The following GALNT17 variants were observed in gnomAD, a reference collection of about 807,000 sequenced individuals.
The protein encoded by GALNT17 is UDP-GalNAc:polypeptide N-acetylgalactosaminyltransferase-like 3.
A neutral mutation model predicts 63.7 loss-of-function variants in GALNT17; 29 were observed. That is an observed-to-expected ratio of 0.46 (90% CI 0.34 to 0.62). GALNT17 has a LOEUF of 0.62. Among genes scored for constraint, GALNT17 ranks in the 20% least tolerant of loss-of-function variants. GALNT17 has a pLI of 0.01. For missense variants in GALNT17, 603 were observed against 799.6 expected, an observed-to-expected ratio of 0.75 and a Z score of 2.97; for synonymous variants, 305 against 318.3, an observed-to-expected ratio of 0.96 and a Z score of 0.45.
intron 1 of GALNT17, among the ~76,000 whole-genome samples, chr7:71,200,265 G>A (rs942419494): frequency 3.9e-5 from 6 of 152,128 alleles, no homozygotes; most frequent in African/African-American, 7.2e-5. Flanking sequence ...CCGTGGCTTC[G>A]TGCAAGATGT....
chr7:71,596,163 C>T (rs893907222), intron 6 of GALNT17, among the ~76,000 whole-genome samples: 2 of 152,104 alleles, frequency 1.3e-5, no homozygotes, highest in Non-Finnish European at 1.5e-5. Flanking sequence ...CTCAGCCTCC[C>T]AAGTAGCTGG....
chr7:71,437,315 C>CT (rs1786983800), intron 5 of GALNT17, among the ~76,000 whole-genome samples: 2 of 152,164 alleles, frequency 1.3e-5, no homozygotes, highest in African/African-American at 2.4e-5. Flanking sequence ...CCAAGATTTG[C>CT]TTTTTTCTAT....
intron 5 of GALNT17, among the ~76,000 whole-genome samples, chr7:71,476,970 G>A (rs1436052222): frequency 6.6e-6 from 1 of 152,320 alleles, no homozygotes; most frequent in South Asian, 2.1e-4. Context: ...GGAGGGTGTG[G>A]AGGGTGGATC....
intron 6 of GALNT17, among the ~76,000 whole-genome samples, chr7:71,592,608 T>TAAAC (rs1285616594): frequency 3.5e-4 from 20 of 56,940 alleles, no homozygotes; most frequent in African/African-American, 9.9e-4. Flanking sequence ...ATAAAATAAA[T>TAAAC]AAAGCATGCA....
At chr7:71,620,994 G>A (rs1467333) in intron 6 of GALNT17, among the ~76,000 whole-genome samples, 134,678 of 152,260 alleles carry the variant, frequency 0.88, 61,862 homozygotes, top group Non-Finnish European at 1. Context: ...GGATTTAGTA[G>A]ATAGCCCAAG....
At chr7:71,333,366 T>G (rs1044936053) in intron 1 of GALNT17, among the ~76,000 whole-genome samples, 1 of 152,200 alleles carries the variant, frequency 6.6e-6, no homozygotes, top group Admixed American at 6.5e-5. Flanking sequence ...TCCATTGGTC[T>G]GGAGATACTA....
At chr7:71,362,092 G>C (rs981212372) in intron 2 of GALNT17, among the ~76,000 whole-genome samples, 3 of 152,114 alleles carry the variant, frequency 2.0e-5, no homozygotes, top group African/African-American at 7.2e-5. Context: ...GAGTGGCTAG[G>C]ATTACAGGCG....
chr7:71,525,805 T>A (rs1788615785), intron 5 of GALNT17, among the ~76,000 whole-genome samples: 1 of 147,776 alleles, frequency 6.8e-6, no homozygotes, highest in Admixed American at 7.0e-5. Context: ...AGTGGCATGA[T>A]CTTGGCTCAC....
At chr7:71,660,479 CT>C (rs1294563003) in intron 6 of GALNT17, among the ~76,000 whole-genome samples, 1 of 152,240 alleles carries the variant, frequency 6.6e-6, no homozygotes, top group Non-Finnish European at 1.5e-5. Context: ...CTCTTCATTT[CT>C]TCAGCCTGCC....
At chr7:71,240,236 A>T (rs1157622818) in intron 1 of GALNT17, among the ~76,000 whole-genome samples, 1 of 152,210 alleles carries the variant, frequency 6.6e-6, no homozygotes, top group African/African-American at 2.4e-5. Flanking sequence ...TTTAGATGAG[A>T]TATAATCTCA....
chr7:71,467,252 C>T (rs1478943203), intron 5 of GALNT17, among the ~76,000 whole-genome samples: 2 of 152,156 alleles, frequency 1.3e-5, no homozygotes, highest in African/African-American at 4.8e-5. Context: ...AAAGGAGGAA[C>T]CTAGGGACAG....
At chr7:71,562,190 CCTG>C (rs1789268048) in intron 5 of GALNT17, among the ~76,000 whole-genome samples, 1 of 152,052 alleles carries the variant, frequency 6.6e-6, no homozygotes, top group South Asian at 2.1e-4. Context: ...TTCTCAAACT[CCTG>C]GACTCAAGCA....
chr7:71,332,753 G>C (rs529865065), intron 1 of GALNT17, among the ~76,000 whole-genome samples: 1 of 152,004 alleles, frequency 6.6e-6, no homozygotes, highest in Non-Finnish European at 1.5e-5. Flanking sequence ...GTGCAGTGGC[G>C]CAGTCTTGGC....
intron 4 of GALNT17, among the ~76,000 whole-genome samples, chr7:71,419,521 G>A (rs1052478967): frequency 1.3e-5 from 2 of 152,228 alleles, no homozygotes; most frequent in African/African-American, 4.8e-5. Flanking sequence ...ATTAGCAAAG[G>A]CAGCTGCGCA....
chr7:71,217,584 TTTTA>T (rs1160354039), intron 1 of GALNT17, among the ~76,000 whole-genome samples: 6 of 152,108 alleles, frequency 3.9e-5, no homozygotes, highest in Non-Finnish European at 8.8e-5. Context: ...ATGCCCTCCT[TTTTA>T]TTTATTTTTA....
At chr7:71,643,938 C>T (rs1054829116) in intron 6 of GALNT17, among the ~76,000 whole-genome samples, 1 of 152,142 alleles carries the variant, frequency 6.6e-6, no homozygotes, top group Non-Finnish European at 1.5e-5. Flanking sequence ...TGGGGCAGGC[C>T]AGTGACATTT....
chr7:71,136,481 C>G (rs932231476), intron 1 of GALNT17, among the ~76,000 whole-genome samples: 2 of 151,982 alleles, frequency 1.3e-5, no homozygotes, highest in Admixed American at 1.3e-4. Flanking sequence ...TCTACCTCCT[C>G]CTGGCTTCCT....
chr7:71,438,193 A>G (rs185382778), intron 5 of GALNT17, among the ~76,000 whole-genome samples: 4 of 152,352 alleles, frequency 2.6e-5, no homozygotes, highest in Non-Finnish European at 4.4e-5. Context: ...CAAGATGACA[A>G]GGTCCCACAA....
At chr7:71,436,462 G>A (rs1162396464) in intron 5 of GALNT17, among the ~76,000 whole-genome samples, 1 of 152,168 alleles carries the variant, frequency 6.6e-6, no homozygotes, top group Non-Finnish European at 1.5e-5. Context: ...ACTCACGCCT[G>A]TAATCCCAGC....
Sources: allele counts gnomAD v4.1 joint callset (sites outside exome capture counted in the v4.1 genomes callset), GRCh38; gene constraint gnomAD v4.1.1; transcripts MANE v1.5; gene names NCBI Gene and HGNC (gene_info 2026-07-23, HGNC 2026-07-21).